NMNAT2: variants seen among roughly 807,000 people sequenced by gnomAD.
The protein encoded by NMNAT2 is nicotinamide/nicotinic acid mononucleotide adenylyltransferase 2.
NMNAT2 carries 11 observed loss-of-function variants against 41.6 expected under a neutral mutation model. That is an observed-to-expected ratio of 0.26 (90% CI 0.17 to 0.44). The LOEUF is 0.44. Ranked by LOEUF, NMNAT2 falls within the 20% of genes least tolerant of loss-of-function variation. NMNAT2 has a pLI of 1.00. For missense variants in NMNAT2, 288 were observed against 407.7 expected (o/e 0.71, Z 2.53); for synonymous variants, 148 against 151.2 (o/e 0.98, Z 0.16).
intron 1 of NMNAT2, among the ~76,000 whole-genome samples, chr1:183,415,265 G>A (rs779516494): frequency 1.3e-5 from 2 of 152,184 alleles, no homozygotes; most frequent in African/African-American, 4.8e-5. Context: ...TTGTAGGAGT[G>A]AGCCACCACA....
intron 1 of NMNAT2, among the ~76,000 whole-genome samples, chr1:183,365,048 A>G (rs1224097652): frequency 6.6e-6 from 1 of 152,146 alleles, no homozygotes; most frequent in Non-Finnish European, 1.5e-5. Context: ...TCATATTTAA[A>G]AGGAAGAAAT....
chr1:183,360,086 T>A lies in NMNAT2; in HGVS notation c.85+58097A>T, dbSNP rs575842611. Among the ~76,000 whole-genome samples, 19 of 152,174 alleles carry A rather than the reference T, an allele frequency of 1.2e-4. 1 individual carries two copies. In the East Asian group the frequency reaches 3.7e-3, roughly 29 times the overall value. On this transcript the variant is annotated intron_variant, in intron 1 of 10. Transcript: ENST00000287713. The stretch of plus-strand genomic sequence containing the variant: ...GGGTTCCTTCGAGCCTGACAGTGAG[T>A]CACTCAATTGTGCTCTGTCCTTATT...
chr1:183,393,761 G>A (rs1355427245), intron 1 of NMNAT2, among the ~76,000 whole-genome samples: 1 of 152,066 alleles, frequency 6.6e-6, no homozygotes, highest in Non-Finnish European at 1.5e-5. Context: ...TCACCATGTT[G>A]GCCAGGCTGG....
chr1:183,346,011 C>G (rs1662921699), intron 1 of NMNAT2, among the ~76,000 whole-genome samples: 1 of 152,124 alleles, frequency 6.6e-6, no homozygotes, highest in African/African-American at 2.4e-5. Context: ...ATAAATTACC[C>G]AGTTTCAGGT....
At chr1:183,338,691 A>T (rs563525332) in intron 1 of NMNAT2, among the ~76,000 whole-genome samples, 1 of 152,210 alleles carries the variant, frequency 6.6e-6, no homozygotes, top group South Asian at 2.1e-4. Flanking sequence ...AGTTTGAAAA[A>T]CTACTCCTAG....
intron 1 of NMNAT2, among the ~76,000 whole-genome samples, chr1:183,350,439 G>A (rs1426781855): frequency 6.6e-6 from 1 of 152,044 alleles, no homozygotes; most frequent in Non-Finnish European, 1.5e-5. Flanking sequence ...GAAAGAAGGG[G>A]CCCTCCTTCA....
At chr1:183,382,886 G>A (rs972304978) in intron 1 of NMNAT2, among the ~76,000 whole-genome samples, 2 of 152,158 alleles carry the variant, frequency 1.3e-5, no homozygotes, top group Admixed American at 1.3e-4. Flanking sequence ...ACGGAGCCTG[G>A]AGGATGGTGG....
At chr1:183,401,446 A>T (rs2101926667) in intron 1 of NMNAT2, among the ~76,000 whole-genome samples, 1 of 152,312 alleles carries the variant, frequency 6.6e-6, no homozygotes, top group Non-Finnish European at 1.5e-5. Flanking sequence ...GAGAAATAGG[A>T]AAACTTTTAC....
chr1:183,271,402 C>T (rs1055877648), intron 8 of NMNAT2, among the ~76,000 whole-genome samples: 1 of 152,172 alleles, frequency 6.6e-6, no homozygotes, highest in African/African-American at 2.4e-5. Flanking sequence ...TTAACCCAGT[C>T]CTGCTCACAA....
At chr1:183,388,979 A>G (rs2101919789) in intron 1 of NMNAT2, among the ~76,000 whole-genome samples, 1 of 152,350 alleles carries the variant, frequency 6.6e-6, no homozygotes, top group African/African-American at 2.4e-5. Context: ...AAGCAAACAC[A>G]CGTCATGGAG....
At chr1:183,312,526 T>C (rs899260872) in intron 1 of NMNAT2, among the ~76,000 whole-genome samples, 1 of 151,902 alleles carries the variant, frequency 6.6e-6, no homozygotes, top group Admixed American at 6.6e-5. Context: ...ATATTTATTT[T>C]ATTACTTTTA....
intron 1 of NMNAT2, among the ~76,000 whole-genome samples, chr1:183,386,854 G>T (rs1386001677): frequency 6.6e-6 from 1 of 152,020 alleles, no homozygotes; most frequent in Non-Finnish European, 1.5e-5. Context: ...ACATAGTTAG[G>T]ACACTTAGAG....
At position 183,364,283 on chromosome 1, in the gene NMNAT2, G is replaced by T. The variant is rs139409612; in HGVS notation, c.85+53900C>A. On this transcript the variant is annotated intron_variant, in intron 1 of 10. Transcript: ENST00000287713. Reference sequence around the variant, plus strand: ...GTGTAAACAGATATTTACAAATAATGTCACATTTCAATGATTGCTCTAAAG... The same window carrying T: ...GTGTAAACAGATATTTACAAATAATTTCACATTTCAATGATTGCTCTAAAG... Among the ~76,000 whole-genome samples the T allele has an allele frequency of 2.1e-4, 32 of 152,308 alleles. No homozygotes were observed. The East Asian group carries it at 4.6e-3, about 22-fold the overall frequency.
At chr1:183,372,182 CAAGT>C (rs780887688) in intron 1 of NMNAT2, among the ~76,000 whole-genome samples, 19 of 152,114 alleles carry the variant, frequency 1.2e-4, no homozygotes, top group Non-Finnish European at 1.8e-4. Context: ...ACGTTTGAAA[CAAGT>C]AAGGGCTCCA....
chr1:183,329,164 C>T (rs1357831260), intron 1 of NMNAT2, among the ~76,000 whole-genome samples: 1 of 152,114 alleles, frequency 6.6e-6, no homozygotes, highest in East Asian at 1.9e-4. Context: ...GATTTCTATC[C>T]CCCTACCAGC....
chr1:183,287,008 G>C (rs564507029), intron 4 of NMNAT2, among the ~76,000 whole-genome samples: 1 of 152,078 alleles, frequency 6.6e-6, no homozygotes, highest in East Asian at 1.9e-4. Flanking sequence ...ATGGGTCCTG[G>C]GTCCAAATTT....
chr1:183,295,532 A>G (rs1661667229), intron 1 of NMNAT2, among the ~76,000 whole-genome samples: 1 of 152,146 alleles, frequency 6.6e-6, no homozygotes, highest in African/African-American at 2.4e-5. Context: ...TTAACACATT[A>G]TTAACTATAG....
At chr1:183,402,427 A>C (rs1413444072) in intron 1 of NMNAT2, among the ~76,000 whole-genome samples, 1 of 152,152 alleles carries the variant, frequency 6.6e-6, no homozygotes, top group Non-Finnish European at 1.5e-5. Flanking sequence ...AAGATGTTGA[A>C]ATTTTGTTAG....
At chr1:183,366,285 C>T (rs1051058927) in intron 1 of NMNAT2, among the ~76,000 whole-genome samples, 15 of 152,216 alleles carry the variant, frequency 9.9e-5, no homozygotes, top group Non-Finnish European at 2.9e-5. Context: ...ACCTCTGTGC[C>T]TCATTTTCTT....
Sources: allele counts gnomAD v4.1 joint callset (sites outside exome capture counted in the v4.1 genomes callset), GRCh38; gene constraint gnomAD v4.1.1; transcripts MANE v1.5; gene names NCBI Gene and HGNC (gene_info 2026-07-23, HGNC 2026-07-21).